PPP1R3D: variants seen among roughly 807,000 people sequenced by gnomAD.
The protein encoded by PPP1R3D is protein phosphatase 1 regulatory subunit 3D.
Under a neutral mutation model 16.3 loss-of-function variants are expected in PPP1R3D, and 27 were observed. The ratio of observed to expected loss-of-function variants is 1.66; its 90% CI spans 1.22 to 2.29. PPP1R3D has a LOEUF of 2.29. Among genes scored for constraint, PPP1R3D ranks in the 30% most tolerant of loss-of-function variants. The probability of loss-of-function intolerance (pLI) is 0.00; values close to 1 mark genes in which losing one functional copy is unlikely to be tolerated. For missense variants in PPP1R3D, 472 were observed against 438.3 expected (o/e 1.08, Z -0.69); for synonymous variants, 223 against 209.7 (o/e 1.06, Z -0.55).
At position 59,940,124 on chromosome 20, in the gene PPP1R3D, T is replaced by C. The variant is rs1181571878; in HGVS notation, c.-193A>G. 2.4e-6 allele frequency: 1 copy of C among 425,334 alleles called. No individual in the cohort carries two copies. Among genetic ancestry groups the C allele is most frequent in the Admixed American group, 4.4e-5 (1 of 22,498 alleles). The allele number at this position is 425,334 out of a possible 1,614,324, so 26.3% of individuals were successfully genotyped here. A position where few individuals can be genotyped will look rare whatever the true frequency, so the allele number is the denominator to read the frequency against. ...AGTCCTTGTCCAGGTCCTCCGCTTC[T>C]TGCGGTTAAAGAAATTGTAAGAGTG... is the stretch of plus-strand genomic sequence containing the variant. On this transcript the variant is annotated 5_prime_UTR_variant, in exon 1 of 1. Transcript: ENST00000370996.
At position 59,939,388 on chromosome 20, in the gene PPP1R3D, C is replaced by T. The variant is rs2145946552; in HGVS notation, c.544G>A (p.Val182Ile). The T allele has an allele frequency of 6.2e-7, 1 of 1,610,772 alleles. No individual in the cohort carries two copies. Among genetic ancestry groups the T allele is most frequent in the Non-Finnish European group, 8.5e-7 (1 of 1,179,530 alleles). ...CTGATGCCAAGGTCCGAGCAAGTGA[C>T]ACGCTCCAGGCACACGAGCTGCCGC... ...LQRQLVCLER[V>I]TCSDLGISGT... Residue 182 changes from valine to isoleucine, a missense_variant, in exon 1 of 1, where the codon GTC becomes ATC. By Grantham distance (29) the Val-to-Ile change is conservative. Transcript: ENST00000370996.
Position 59,939,160 on chromosome 20 carries a change from G to C in PPP1R3D, c.772C>G (p.Arg258Gly). The C allele has an allele frequency of 1.2e-6, 2 of 1,611,474 alleles. No individual in the cohort carries two copies. Among genetic ancestry groups the C allele is most frequent in the Non-Finnish European group, 1.7e-6 (2 of 1,178,534 alleles). The change falls in exon 1 of 1, where the codon CGC becomes GGC. Residue 258 changes from arginine to glycine, a missense_variant. Arg to Gly is a moderately radical substitution (Grantham distance 125, BLOSUM62 -2). Transcript: ENST00000370996. ...ELGSRVHFAV[R>G]YQVAGAEYWD... ...TACTCGGCACCCGCCACTTGGTAGC[G>C]CACCGCGAAGTGCACGCGGGAGCCG...
rs1325090722 is a variant in PPP1R3D, at chr20:59,936,894, AAT to A, written c.*2136_*2137del. 1.3e-5 allele frequency: 2 copies of A among 152,500 alleles called. No homozygotes were observed. The highest frequency in any genetic ancestry group is 2.9e-5 in the Non-Finnish European group (2 of 68,022). The allele number at this position is 152,500 out of a possible 1,614,324, so 9.4% of individuals were successfully genotyped here. On this transcript the variant is annotated 3_prime_UTR_variant, in exon 1 of 1. Coordinates refer to ENST00000370996, the MANE Select transcript of PPP1R3D (RefSeq NM_006242.4). ...AAAATCATTTTAAATAACATATTAA[AAT>A]ATGTTTGGGGGGACAACCCAGCAAT... is the stretch of plus-strand genomic sequence containing the variant.
At position 59,937,083 on chromosome 20, in the gene PPP1R3D, A is replaced by C. The variant is rs748245304; in HGVS notation, c.*1949T>G. The C allele has an allele frequency of 2.6e-5, 4 of 152,666 alleles. No homozygotes were observed. The highest frequency in any genetic ancestry group is 4.4e-5 in the Non-Finnish European group (3 of 68,050). 9.5% of individuals were successfully genotyped at this position (152,666 alleles called of 1,614,324 possible). A position where few individuals can be genotyped will look rare whatever the true frequency, so the allele number is the denominator to read the frequency against. ...ATTTTTTAAAAGGCACGGGAGGTTC[A>C]CTTAATATTAAATATATAACATTCA... On this transcript the variant is annotated 3_prime_UTR_variant, in exon 1 of 1. Transcript: ENST00000370996.
At position 59,938,999 on chromosome 20, in the gene PPP1R3D, G is replaced by A; in HGVS notation, c.*33C>T. The A allele has an allele frequency of 6.7e-7, 1 of 1,486,872 alleles. No individual in the cohort carries two copies. The highest frequency in any genetic ancestry group is 8.9e-7 in the Non-Finnish European group (1 of 1,122,388). The allele number at this position is 1,486,872 out of a possible 1,614,324, so 92.1% of individuals were successfully genotyped here. On this transcript the variant is annotated 3_prime_UTR_variant, in exon 1 of 1. Coordinates refer to ENST00000370996, the MANE Select transcript of PPP1R3D (RefSeq NM_006242.4). The stretch of plus-strand genomic sequence containing the variant: ...AAATGACAGGAGGCGCAGCTTAGGT[G>A]TGGAGGCTCCAGGTGGCCGGTCCCC...
chr20:59,939,813 G>A lies in PPP1R3D; in HGVS notation c.119C>T (p.Ala40Val). 8.1e-7 allele frequency: 1 copy of A among 1,234,910 alleles called. No individual in the cohort carries two copies. Among genetic ancestry groups the A allele is most frequent in the Non-Finnish European group, 1.0e-6 (1 of 990,040 alleles). The allele number at this position is 1,234,910 out of a possible 1,614,324, so 76.5% of individuals were successfully genotyped here. A position where few individuals can be genotyped will look rare whatever the true frequency, so the allele number is the denominator to read the frequency against. ...LDGGVALEPR[A>V]CRPPGSPGRA... ...GCCCGGGCTCCCAGGGGGCCTACAG[G>A]CCCGCGGCTCCAGGGCCACGCCGCC... Residue 40 changes from alanine to valine, a missense_variant, in exon 1 of 1, where the codon GCC becomes GTC. By Grantham distance (64) the Ala-to-Val change is moderately conservative. Coordinates refer to ENST00000370996, the MANE Select transcript of PPP1R3D (RefSeq NM_006242.4).
At position 59,936,923 on chromosome 20, in the gene PPP1R3D, G is replaced by T. The variant is rs1006612140; in HGVS notation, c.*2109C>A. ...TGTTTGGGGGGACAACCCAGCAATT[G>T]CACAGCCCACTAGAAAATTTTAACA... On this transcript the variant is annotated 3_prime_UTR_variant, in exon 1 of 1. Coordinates refer to ENST00000370996, the MANE Select transcript of PPP1R3D (RefSeq NM_006242.4). 2.6e-5 allele frequency: 4 copies of T among 152,544 alleles called. No individual in the cohort carries two copies. Among genetic ancestry groups the T allele is most frequent in the African/African-American group, 9.7e-5 (4 of 41,448 alleles). The allele number at this position is 152,544 out of a possible 1,614,324, so 9.4% of individuals were successfully genotyped here. A position where few individuals can be genotyped will look rare whatever the true frequency, so the allele number is the denominator to read the frequency against.
In PPP1R3D at chr20:59,939,735, G is replaced by A; in HGVS notation, c.197C>T (p.Pro66Leu). The A allele has an allele frequency of 8.0e-7, 1 of 1,247,754 alleles. No individual in the cohort carries two copies. The highest frequency in any genetic ancestry group is 1.0e-6 in the Non-Finnish European group (1 of 998,084). 77.3% of individuals were successfully genotyped at this position (1,247,754 alleles called of 1,614,324 possible). Residue 66 changes from proline (P) to leucine (L), a missense_variant, in exon 1 of 1, where the codon CCC becomes CTC. Transcript: ENST00000370996. ...APSGCDPRLR[P>L]IILRRARSLP... ...TGAGCGCGCCCGCCGCAGGATGATG[G>A]GCCGCAGGCGGGGGTCGCAGCCCGA...
Position 59,939,073 on chromosome 20 carries a change from G to A in PPP1R3D, c.859C>T (p.Pro287Ser), listed in dbSNP as rs2060879604. The change falls in exon 1 of 1, where the codon CCT becomes TCT. Residue 287 changes from proline to serine, a missense_variant. Transcript: ENST00000370996. Reference protein sequence around the residue: ...LTCRNHALHMPRGECEESWIH... With the variant: ...LTCRNHALHMSRGECEESWIH... ...CAGCTCTCTTCGCACTCCCCGCGAG[G>A]CATGTGCAGCGCGTGGTTGCGACAT... 3 of 1,576,484 alleles carry A rather than the reference G, an allele frequency of 1.9e-6. No individual in the cohort carries two copies. Among genetic ancestry groups the A allele is most frequent in the Non-Finnish European group, 2.6e-6 (3 of 1,163,908 alleles).
rs2145945073 is a variant in PPP1R3D, at chr20:59,938,041, C to T, written c.*991G>A. 6.6e-6 allele frequency: 1 copy of T among 152,288 alleles called. No individual in the cohort carries two copies. The highest frequency in any genetic ancestry group is 1.9e-4 in the East Asian group (1 of 5,180). The allele number at this position is 152,288 out of a possible 1,614,324, so 9.4% of individuals were successfully genotyped here. A position where few individuals can be genotyped will look rare whatever the true frequency, so the allele number is the denominator to read the frequency against. On this transcript the variant is annotated 3_prime_UTR_variant, in exon 1 of 1. Transcript: ENST00000370996. ...TCTAGTTCCACCTTGTAACTGGACT[C>T]CCAAAAGATGAATGCTGACATCTTC...
chr20:59,939,998 C>A lies in PPP1R3D; in HGVS notation c.-67G>T. 1 of 1,210,176 alleles carries A rather than the reference C, an allele frequency of 8.3e-7. No individual in the cohort carries two copies. The highest frequency in any genetic ancestry group is 1.0e-6 in the Non-Finnish European group (1 of 955,464). The allele number at this position is 1,210,176 out of a possible 1,614,324, so 75.0% of individuals were successfully genotyped here. ...GACCTCCCGACCCCGCGACAGCTCCCTCCGTGCTCAGAAGCCGCAGAGAGT... is the reference window on the plus strand; with the variant it reads ...GACCTCCCGACCCCGCGACAGCTCCATCCGTGCTCAGAAGCCGCAGAGAGT... On this transcript the variant is annotated 5_prime_UTR_variant, in exon 1 of 1. In the 5' UTR this introduces an upstream ATG that the reference lacks. Coordinates refer to ENST00000370996, the MANE Select transcript of PPP1R3D (RefSeq NM_006242.4).
At position 59,939,744 on chromosome 20, in the gene PPP1R3D, CG is replaced by C; in HGVS notation, c.187del (p.Arg63AlafsTer276). On this transcript the variant is annotated frameshift_variant, in exon 1 of 1. Coordinates refer to ENST00000370996, the MANE Select transcript of PPP1R3D (RefSeq NM_006242.4). LOFTEE classifies it high-confidence loss of function. ...PTPAPSGCDP[R>X]LRPIILRRAR... ...CCGCCGCAGGATGATGGGCCGCAGG[CG>C]GGGGTCGCAGCCCGACGGCGCTGGC... 8.1e-7 allele frequency: 1 copy of C among 1,233,314 alleles called. No homozygotes were observed. Among genetic ancestry groups the C allele is most frequent in the Non-Finnish European group, 1.0e-6 (1 of 989,322 alleles). 76.4% of individuals were successfully genotyped at this position (1,233,314 alleles called of 1,614,324 possible). A position where few individuals can be genotyped will look rare whatever the true frequency, so the allele number is the denominator to read the frequency against.
rs1175853590 is a variant in PPP1R3D, at chr20:59,939,655, A to G, written c.277T>C (p.Cys93Arg). ...AGCTTCTGGCTGCAGCCCGGCCGAC[A>G]CGCAGCGCCCGGCGCGCCCGCGGCC... ...QKAAGAPGAA[C>R]RPGCSQKLRV... is the part of the protein sequence containing the mutation. The change falls in exon 1 of 1, where the codon TGT (cysteine) becomes CGT (arginine). Residue 93 changes from cysteine (C) to arginine (R), a missense_variant. Physicochemically the swap from Cys to Arg is radical, Grantham distance 180. Coordinates refer to ENST00000370996, the MANE Select transcript of PPP1R3D (RefSeq NM_006242.4). 2 of 1,516,930 alleles carry G rather than the reference A, an allele frequency of 1.3e-6. No homozygotes were observed. Among genetic ancestry groups the G allele is most frequent in the Non-Finnish European group, 1.8e-6 (2 of 1,138,306 alleles). 94.0% of individuals were successfully genotyped at this position (1,516,930 alleles called of 1,614,324 possible).
Position 59,939,621 on chromosome 20 carries a change from C to G in PPP1R3D, c.311G>C (p.Arg104Pro). ...CTCCAAGCCCAGGGCGTCGGCGAAG[C>G]GCACGCGGAGCTTCTGGCTGCAGCC... ...RPGCSQKLRV[R>P]FADALGLELA... The change falls in exon 1 of 1, where the codon CGC becomes CCC. Residue 104 changes from arginine (R) to proline (P), a missense_variant. Transcript: ENST00000370996. The G allele has an allele frequency of 1.3e-6, 2 of 1,586,252 alleles. No individual in the cohort carries two copies. The highest frequency in any genetic ancestry group is 1.7e-6 in the Non-Finnish European group (2 of 1,168,570).
chr20:59,940,090 T>G lies in PPP1R3D; in HGVS notation c.-159A>C. On this transcript the variant is annotated 5_prime_UTR_variant, in exon 1 of 1. Transcript: ENST00000370996. ...GCGCCCTACCCTTGGTTCGCCACCT[T>G]GCTCCTCGAGTCCTTGTCCAGGTCC... The G allele has an allele frequency of 4.1e-6, 2 of 491,796 alleles. No homozygotes were observed. Among genetic ancestry groups the G allele is most frequent in the Admixed American group, 8.8e-5 (2 of 22,670 alleles). The allele number at this position is 491,796 out of a possible 1,614,324, so 30.5% of individuals were successfully genotyped here. A position where few individuals can be genotyped will look rare whatever the true frequency, so the allele number is the denominator to read the frequency against.
rs892048660 is a variant in PPP1R3D, at chr20:59,938,874, C to CA, written c.*157dup. The CA allele has an allele frequency of 1.6e-5, 10 of 623,702 alleles. No individual in the cohort carries two copies. The Admixed American group carries it at 3.5e-4, about 22-fold the overall frequency. The allele number at this position is 623,702 out of a possible 1,614,324, so 38.6% of individuals were successfully genotyped here. ...TGACTCAGACGTTTCAAGTAGAAGA[C>CA]AGGATGGGCCACTGCCAGGGGACCT... On this transcript the variant is annotated 3_prime_UTR_variant, in exon 1 of 1. Transcript: ENST00000370996.
At position 59,939,699 on chromosome 20, in the gene PPP1R3D, G is replaced by C; in HGVS notation, c.233C>G (p.Ser78Cys). Residue 78 changes from serine (S) to cysteine (C), a missense_variant, in exon 1 of 1, where the codon TCC becomes TGC. Transcript: ENST00000370996. Reference sequence around the variant, plus strand: ...CGCGGCCTTCTGGCGGCGCTCGGGGGAGCTGGGCAGTGAGCGCGCCCGCCG... The same window carrying C: ...CGCGGCCTTCTGGCGGCGCTCGGGGCAGCTGGGCAGTGAGCGCGCCCGCCG... The part of the protein sequence containing the change: ...ILRRARSLPS[S>C]PERRQKAAGA... 2 of 1,359,484 alleles carry C rather than the reference G, an allele frequency of 1.5e-6. No individual in the cohort carries two copies. The highest frequency in any genetic ancestry group is 1.9e-6 in the Non-Finnish European group (2 of 1,063,504). 84.2% of individuals were successfully genotyped at this position (1,359,484 alleles called of 1,614,324 possible). A position where few individuals can be genotyped will look rare whatever the true frequency, so the allele number is the denominator to read the frequency against.
At position 59,939,267 on chromosome 20, in the gene PPP1R3D, C is replaced by G. The variant is rs1372663034; in HGVS notation, c.665G>C (p.Arg222Pro). 6.2e-7 allele frequency: 1 copy of G among 1,612,100 alleles called. No homozygotes were observed. The highest frequency in any genetic ancestry group is 8.5e-7 in the Non-Finnish European group (1 of 1,179,578). ...GWRSTHEAVA[R>P]WRGPAGPEGT... ...CTCGGGGCCTGCGGGCCCGCGCCAC[C>G]GCGCCACCGCCTCGTGGGTACTGCG... The change falls in exon 1 of 1, where the codon CGG becomes CCG. Residue 222 changes from arginine to proline, a missense_variant. By Grantham distance (103) the Arg-to-Pro change is moderately radical (BLOSUM62 -2). Coordinates refer to ENST00000370996, the MANE Select transcript of PPP1R3D (RefSeq NM_006242.4).
In PPP1R3D at chr20:59,938,987, C is replaced by T. The variant is rs200816379; in HGVS notation, c.*45G>A. The T allele has an allele frequency of 2.7e-6, 4 of 1,455,418 alleles. No individual in the cohort carries two copies. The highest frequency in any genetic ancestry group is 4.8e-5 in the Admixed American group (2 of 41,262). The allele number at this position is 1,455,418 out of a possible 1,614,324, so 90.2% of individuals were successfully genotyped here. ...AGCCCAGCAGGGAAATGACAGGAGG[C>T]GCAGCTTAGGTGTGGAGGCTCCAGG... On this transcript the variant is annotated 3_prime_UTR_variant, in exon 1 of 1. Coordinates refer to ENST00000370996, the MANE Select transcript of PPP1R3D (RefSeq NM_006242.4).
Sources: allele counts gnomAD v4.1 joint callset, GRCh38; gene constraint gnomAD v4.1.1; transcripts MANE v1.5; gene names NCBI Gene and HGNC (gene_info 2026-07-23, HGNC 2026-07-21).